The following DLGAP1 variants were observed in gnomAD, a reference collection of about 807,000 sequenced individuals.
The protein encoded by DLGAP1 is DLG associated protein 1, also known as disks large-associated protein 1.
DLGAP1 carries 11 observed loss-of-function variants against 90.8 expected under a neutral mutation model. That is an observed-to-expected ratio of 0.12 (90% CI 0.08 to 0.20). The LOEUF (loss-of-function observed/expected upper bound fraction) is 0.20, where lower values mean the gene tolerates loss of function less well. Among genes scored for constraint, DLGAP1 ranks in the 10% least tolerant of loss-of-function variants. The pLI, the probability that DLGAP1 is intolerant of heterozygous loss-of-function variation, is 1.00. For missense variants in DLGAP1, 1,050 were observed against 1,333.8 expected, an observed-to-expected ratio of 0.79 and a Z score of 3.31; for synonymous variants, 558 against 540.7, an observed-to-expected ratio of 1.03 and a Z score of -0.44.
chr18:4,086,554 T>C lies in DLGAP1; in HGVS notation c.-159+64626A>G, dbSNP rs748879181. Among the ~76,000 whole-genome samples the C allele has an allele frequency of 1.2e-3, 183 of 152,338 alleles. 1 individual carries two copies. The highest frequency in any genetic ancestry group is 9.6e-4 in the Non-Finnish European group (65 of 68,028). On this transcript the variant is annotated intron_variant, in intron 2 of 12. Transcript: ENST00000315677. ...GATTTTTAAATTCCCATTGTGACTT[T>C]TTAATGGGTTACTCAGCACTGTGTT... is the stretch of plus-strand genomic sequence containing the variant.
chr18:4,272,799 G>A (rs2079315215), intron 1 of DLGAP1, among the ~76,000 whole-genome samples: 1 of 152,194 alleles, frequency 6.6e-6, no homozygotes, highest in South Asian at 2.1e-4. Context: ...GTTTGGAAAT[G>A]GGTTCTTTGC....
chr18:3,643,923 G>C (rs2059030402), intron 7 of DLGAP1, among the ~76,000 whole-genome samples: 1 of 152,088 alleles, frequency 6.6e-6, no homozygotes, highest in Non-Finnish European at 1.5e-5. Context: ...AATGAAAAAA[G>C]CATGCATGCT....
chr18:4,319,516 G>A (rs1273120773), intron 1 of DLGAP1, among the ~76,000 whole-genome samples: 1 of 152,174 alleles, frequency 6.6e-6, no homozygotes, highest in Admixed American at 6.5e-5. Context: ...CCTGGGAGGA[G>A]AAATTAACTT....
At chr18:4,398,988 C>T (rs146234550) in intron 1 of DLGAP1, among the ~76,000 whole-genome samples, 31 of 152,212 alleles carry the variant, frequency 2.0e-4, no homozygotes, top group African/African-American at 5.1e-4. Context: ...CGCACCACTA[C>T]GCCTGGTTAA....
At chr18:4,418,602 A>G (rs1292743245) in intron 1 of DLGAP1, among the ~76,000 whole-genome samples, 1 of 152,192 alleles carries the variant, frequency 6.6e-6, no homozygotes, top group Non-Finnish European at 1.5e-5. Context: ...TAGACTCAAC[A>G]TAGTTGAAGA....
chr18:4,121,644 T>G (rs1459435283), intron 2 of DLGAP1, among the ~76,000 whole-genome samples: 3 of 152,054 alleles, frequency 2.0e-5, no homozygotes, highest in African/African-American at 7.2e-5. Flanking sequence ...CACTGACCCC[T>G]ACCCTGCCCC....
chr18:4,315,265 T>C (rs1340454694), intron 1 of DLGAP1, among the ~76,000 whole-genome samples: 1 of 152,210 alleles, frequency 6.6e-6, no homozygotes, highest in African/African-American at 2.4e-5. Flanking sequence ...GCCTAGCCTA[T>C]GGCAGGTAGG....
intron 4 of DLGAP1, chr18:3,874,116 T>C: frequency 6.5e-7 from 1 of 1,549,306 alleles, no homozygotes; most frequent in East Asian, 2.4e-5. Flanking sequence ...CACCACACTA[T>C]TACCAAATAC....
intron 2 of DLGAP1, among the ~76,000 whole-genome samples, chr18:4,079,206 G>A (rs1469108015): frequency 6.6e-6 from 1 of 151,384 alleles, no homozygotes; most frequent in Non-Finnish European, 1.5e-5. Context: ...GGAGAGCTGG[G>A]GACAAGGAGA....
In DLGAP1 at chr18:3,879,687, C is replaced by T. The variant is rs137860398; in HGVS notation, c.382G>A (p.Val128Met). The change falls in exon 4 of 13, where the codon GTG (valine) becomes ATG (methionine). Residue 128 changes from valine (V) to methionine (M), a missense_variant. By Grantham distance (21) the Val-to-Met change is conservative. Around this residue, in one of 2 missense-constraint regions of DLGAP1, gnomAD observed 485 missense variants for 454.1 expected, o/e 1.07. Coordinates refer to ENST00000315677, the MANE Select transcript of DLGAP1 (RefSeq NM_004746.4). This position sits in a 1 kb window ranked among gnomAD's most constrained non-coding sequence, Gnocchi z 6.6. ...YHTLQYKRTA[V>M]EHRSDSPGRI... ...CCGGGGCTGTCGCTGCGGTGCTCCA[C>T]GGCCGTGCGCTTGTACTGCAGGGTG... The T allele has an allele frequency of 6.2e-6, 10 of 1,607,430 alleles. No individual in the cohort carries two copies. The highest frequency in any genetic ancestry group is 8.5e-6 in the Non-Finnish European group (10 of 1,179,702).
intron 2 of DLGAP1, among the ~76,000 whole-genome samples, chr18:4,014,960 G>A (rs146881540): frequency 1.6e-3 from 242 of 152,178 alleles, no homozygotes; most frequent in African/African-American, 5.7e-3. Context: ...TAGTTCATAT[G>A]GCCCTGCCTT....
chr18:3,782,115 C>A (rs1162763733), intron 5 of DLGAP1, among the ~76,000 whole-genome samples: 1 of 151,376 alleles, frequency 6.6e-6, no homozygotes, highest in Non-Finnish European at 1.5e-5. Flanking sequence ...CCTCAATGAT[C>A]ATTAAAGTTC....
At chr18:4,063,283 G>A (rs1219565547) in intron 2 of DLGAP1, among the ~76,000 whole-genome samples, 2 of 152,054 alleles carry the variant, frequency 1.3e-5, no homozygotes, top group Non-Finnish European at 2.9e-5. Context: ...TACAATCTAT[G>A]AAGGGTTTTG....
At chr18:3,611,597 A>G (rs2145905769) in intron 7 of DLGAP1, among the ~76,000 whole-genome samples, 1 of 152,258 alleles carries the variant, frequency 6.6e-6, no homozygotes, top group Non-Finnish European at 1.5e-5. Flanking sequence ...GAAATTACAT[A>G]GCAGGACCCG....
At chr18:4,223,446 T>C (rs1014035748) in intron 1 of DLGAP1, among the ~76,000 whole-genome samples, 2 of 152,158 alleles carry the variant, frequency 1.3e-5, no homozygotes, top group African/African-American at 4.8e-5. Context: ...GCCTTTTATA[T>C]AGCACTTTGA....
intron 4 of DLGAP1, among the ~76,000 whole-genome samples, chr18:3,876,801 T>C (rs1430361905): frequency 6.6e-6 from 1 of 152,210 alleles, no homozygotes; most frequent in Non-Finnish European, 1.5e-5. Context: ...GAAAATAGAA[T>C]TTCCAAATCT....
chr18:4,402,681 G>T (rs2082580353), intron 1 of DLGAP1, among the ~76,000 whole-genome samples: 1 of 151,878 alleles, frequency 6.6e-6, no homozygotes. Flanking sequence ...GCACTGAATT[G>T]GTAAAAAGTT....
At chr18:4,223,513 C>T (rs1481691862) in intron 1 of DLGAP1, among the ~76,000 whole-genome samples, 4 of 152,106 alleles carry the variant, frequency 2.6e-5, no homozygotes, top group South Asian at 2.1e-4. Context: ...ACAGTATCAT[C>T]GCATTTGTTT....
At chr18:4,198,987 G>A (rs896044105) in intron 1 of DLGAP1, among the ~76,000 whole-genome samples, 5 of 152,222 alleles carry the variant, frequency 3.3e-5, no homozygotes, top group African/African-American at 1.2e-4. Context: ...CTGCTCTGCT[G>A]CAAGTGCTCA....
Sources: allele counts gnomAD v4.1 joint callset (sites outside exome capture counted in the v4.1 genomes callset), GRCh38; gene constraint gnomAD v4.1.1; regional missense constraint gnomAD v4.1.1; non-coding constraint Gnocchi (gnomAD v3.1); transcripts MANE v1.5; gene names NCBI Gene and HGNC (gene_info 2026-07-23, HGNC 2026-07-21).